CELSR1: variants seen among roughly 807,000 people sequenced by gnomAD.
CELSR1 encodes cadherin EGF LAG seven-pass G-type receptor 1.
A neutral mutation model predicts 249.1 loss-of-function variants in CELSR1; 110 were observed. That is an observed-to-expected ratio of 0.44 (90% CI 0.38 to 0.52). The LOEUF is 0.52. CELSR1 is among the 20% of genes least tolerant of loss of function. CELSR1 has a pLI of 0.00. For synonymous variants in CELSR1, 2,113 were observed against 1,900.0 expected (o/e 1.11, Z -2.92); for missense variants, 4,109 against 4,296.4 (o/e 0.96, Z 1.22).
rs567107355 is a variant in CELSR1, at chr22:46,537,565, G to C, written c.-395C>G. Among the ~76,000 whole-genome samples the C allele has an allele frequency of 6.8e-6, 1 of 147,326 alleles. No individual in the cohort carries two copies. Among genetic ancestry groups the C allele is most frequent in the East Asian group, 2.0e-4 (1 of 5,080 alleles). ...GGGGCTGAGTTCCCGGAGCGGGCTG[G>C]GCAGCTCCGCGCCGCGCAGACCCCG... On this transcript the variant is annotated 5_prime_UTR_variant, in exon 1 of 35. Transcript: ENST00000674500. This position sits in a 1 kb window ranked among gnomAD's most constrained non-coding sequence, Gnocchi z 5.8.
rs901603036 is a variant in CELSR1, at chr22:46,468,973, G to A, written c.3545-4628C>T. 2.0e-4 allele frequency among the ~76,000 whole-genome samples: 30 copies of A among 152,112 alleles called. No individual in the cohort carries two copies. Among genetic ancestry groups the A allele is most frequent in the South Asian group, 6.2e-4 (3 of 4,816 alleles). ...TGCCTGTAGTCTCAGCTACTCGGAAGGCTGAGGCTTGAGAATCGCTTGAAC... is the reference window on the plus strand; with the variant it reads ...TGCCTGTAGTCTCAGCTACTCGGAAAGCTGAGGCTTGAGAATCGCTTGAAC... On this transcript the variant is annotated intron_variant, in intron 1 of 34. Coordinates refer to ENST00000674500, the MANE Select transcript of CELSR1 (RefSeq NM_001378328.1). The surrounding 1 kb of genome is among the most constrained non-coding windows in gnomAD (Gnocchi z 4.5).
chr22:46,427,438 G>A lies in CELSR1; in HGVS notation c.4611+5955C>T, dbSNP rs894270380. Among the ~76,000 whole-genome samples the A allele has an allele frequency of 1.3e-5, 2 of 152,248 alleles. No individual in the cohort carries two copies. Among genetic ancestry groups the A allele is most frequent in the African/African-American group, 4.8e-5 (2 of 41,462 alleles). On this transcript the variant is annotated intron_variant, in intron 5 of 34. Transcript: ENST00000674500. The surrounding 1 kb of genome is among the most constrained non-coding windows in gnomAD (Gnocchi z 4.2). ...TGTAAACCCAGCTACTCAGGAGGCT[G>A]AGGCAGGAGAATTGCTTGAACCTGG...
chr22:46,382,148 G>T, intron 20 of CELSR1, 98 bp from the exon 21 acceptor site: 1 of 1,150,468 alleles, frequency 8.7e-7, no homozygotes, highest in East Asian at 2.6e-5. Flanking sequence ...ACCAACAGAT[G>T]TCCCACAGAA....
chr22:46,390,068 G>A lies in CELSR1; in HGVS notation c.6345+324C>T, dbSNP rs747868969. ...CAGAGAAAGATAGCGAGTGGGAGAC[G>A]TGGGAACAAAAGCCATGAAATAGGG... On this transcript the variant is annotated intron_variant, in intron 17 of 34. Coordinates refer to ENST00000674500, the MANE Select transcript of CELSR1 (RefSeq NM_001378328.1). The surrounding 1 kb of genome is among the most constrained non-coding windows in gnomAD (Gnocchi z 6.3). Among the ~76,000 whole-genome samples, 1 of 152,222 alleles carries A rather than the reference G, an allele frequency of 6.6e-6. No individual in the cohort carries two copies.
chr22:46,391,341 AC>A lies in CELSR1; in HGVS notation c.6149-55del, dbSNP rs2079089047. On this transcript the variant is annotated intron_variant, in intron 15 of 34. Transcript: ENST00000674500. The surrounding 1 kb of genome is among the most constrained non-coding windows in gnomAD (Gnocchi z 4.3). Reference sequence around the variant, plus strand: ...AGCGGGGCACGCCACACCCACGACCACAAACAGGCACCACTGTCTGCATGCG... The same window carrying A: ...AGCGGGGCACGCCACACCCACGACCAAAACAGGCACCACTGTCTGCATGCG... The A allele has an allele frequency of 7.4e-6, 11 of 1,493,486 alleles. No individual in the cohort carries two copies. The highest frequency in any genetic ancestry group is 1.0e-5 in the Non-Finnish European group (11 of 1,077,998). The allele number at this position is 1,493,486 out of a possible 1,614,324, so 92.5% of individuals were successfully genotyped here. A position where few individuals can be genotyped will look rare whatever the true frequency, so the allele number is the denominator to read the frequency against.
intron 2 of CELSR1, among the ~76,000 whole-genome samples, chr22:46,452,274 TAC>T (rs1222994446): frequency 6.6e-6 from 1 of 152,150 alleles, no homozygotes; most frequent in East Asian, 1.9e-4. Context: ...TCCTGGAGCC[TAC>T]ACAGACCTGG....
intron 1 of CELSR1, among the ~76,000 whole-genome samples, chr22:46,497,301 AT>A (rs1220492094): frequency 6.6e-6 from 1 of 152,246 alleles, no homozygotes; most frequent in East Asian, 1.9e-4. Flanking sequence ...TCATCTGTGA[AT>A]AACAGCAATG....
intron 3 of CELSR1, 76 bp downstream of exon 3, chr22:46,439,113 G>C: frequency 7.3e-7 from 1 of 1,366,282 alleles, no homozygotes. Flanking sequence ...TCACGATCTA[G>C]AGGGATGGGG....
At position 46,429,912 on chromosome 22, in the gene CELSR1, G is replaced by T. The variant is rs1362716866; in HGVS notation, c.4611+3481C>A. 6.6e-6 allele frequency among the ~76,000 whole-genome samples: 1 copy of T among 152,230 alleles called. No homozygotes were observed. The highest frequency in any genetic ancestry group is 1.5e-5 in the Non-Finnish European group (1 of 68,032). ...GGGTCCCACACCGCCTCTCATGGAT[G>T]CCCCATGCCCTGCCCAGCCCTTTGT... On this transcript the variant is annotated intron_variant, in intron 5 of 34. Transcript: ENST00000674500. The surrounding 1 kb of genome is among the most constrained non-coding windows in gnomAD (Gnocchi z 4.1).
At chr22:46,458,488 G>A (rs867296271) in intron 2 of CELSR1, among the ~76,000 whole-genome samples, 46 of 152,234 alleles carry the variant, frequency 3.0e-4, no homozygotes, top group African/African-American at 8.7e-4. Context: ...TGGGGAGGCA[G>A]CGTCATTAGG....
intron 27 of CELSR1, 33 bp downstream of exon 27, chr22:46,369,146 C>T: frequency 6.2e-7 from 1 of 1,605,106 alleles, no homozygotes; most frequent in Non-Finnish European, 8.5e-7. Flanking sequence ...GCCCAGCCGA[C>T]ATGGCTGGCC....
In CELSR1 at chr22:46,393,662, C is replaced by T. The variant is rs908138360; in HGVS notation, c.5964+480G>A. ...CTGAGGCAGAAGAATTGCTGGAACC[C>T]GGGAGGCGGAGGCTGCAGTGAGCCG... On this transcript the variant is annotated intron_variant, in intron 14 of 34. Transcript: ENST00000674500. The surrounding 1 kb of genome is among the most constrained non-coding windows in gnomAD (Gnocchi z 4.1). Among the ~76,000 whole-genome samples, 35 of 150,808 alleles carry T rather than the reference C, an allele frequency of 2.3e-4. No homozygotes were observed. The highest frequency in any genetic ancestry group is 4.3e-4 in the Non-Finnish European group (29 of 67,830).
chr22:46,514,927 A>C (rs1424300355), intron 1 of CELSR1, among the ~76,000 whole-genome samples: 1 of 152,102 alleles, frequency 6.6e-6, no homozygotes, highest in Non-Finnish European at 1.5e-5. Context: ...TGCTCTTTGC[A>C]GCTGGCATCC....
chr22:46,391,556 C>T lies in CELSR1; in HGVS notation c.6148+77G>A. 1 of 1,439,930 alleles carries T rather than the reference C, an allele frequency of 6.9e-7. No homozygotes were observed. The highest frequency in any genetic ancestry group is 9.2e-7 in the Non-Finnish European group (1 of 1,091,084). 89.2% of individuals were successfully genotyped at this position (1,439,930 alleles called of 1,614,324 possible). A position where few individuals can be genotyped will look rare whatever the true frequency, so the allele number is the denominator to read the frequency against. ...CAGGGTCCCCCAAACACCCAGCGTG[C>T]ATGCACACACGTGCACGCCAGTGCA... On this transcript the variant is annotated intron_variant, in intron 15 of 34. Transcript: ENST00000674500. The surrounding 1 kb of genome is among the most constrained non-coding windows in gnomAD (Gnocchi z 4.3).
rs560589481 is a variant in CELSR1, at chr22:46,412,816, C to A, written c.4612-1057G>T. 1.3e-5 allele frequency among the ~76,000 whole-genome samples: 2 copies of A among 152,314 alleles called. No individual in the cohort carries two copies. The highest frequency in any genetic ancestry group is 2.4e-5 in the African/African-American group (1 of 41,550). On this transcript the variant is annotated intron_variant, in intron 5 of 34. Transcript: ENST00000674500. The surrounding 1 kb of genome is among the most constrained non-coding windows in gnomAD (Gnocchi z 4.5). ...AAACACAGTTGGTGCCAGCTCCAAC[C>A]GGGACAGGCAACAGAATGTCTTTCA...
At chr22:46,498,717 G>A (rs1226290056) in intron 1 of CELSR1, among the ~76,000 whole-genome samples, 2 of 152,102 alleles carry the variant, frequency 1.3e-5, no homozygotes, top group African/African-American at 4.8e-5. Flanking sequence ...GCTGTGGAAT[G>A]AGGTTTATGA....
chr22:46,380,623 AC>A lies in CELSR1; in HGVS notation c.7256+164del, dbSNP rs1474234087. Among the ~76,000 whole-genome samples, 1 of 152,156 alleles carries A rather than the reference AC, an allele frequency of 6.6e-6. No individual in the cohort carries two copies. The highest frequency in any genetic ancestry group is 2.4e-5 in the African/African-American group (1 of 41,434). ...TCTAGGGGAGGACTCTGATATTCCC[AC>A]AGAAGCAGAGCAGGAGGCTCACTGC... is the stretch of plus-strand genomic sequence containing the variant. On this transcript the variant is annotated intron_variant, in intron 22 of 34. Coordinates refer to ENST00000674500, the MANE Select transcript of CELSR1 (RefSeq NM_001378328.1). The surrounding 1 kb of genome is among the most constrained non-coding windows in gnomAD (Gnocchi z 5.1).
intron 5 of CELSR1, among the ~76,000 whole-genome samples, chr22:46,419,531 C>T (rs2079440901): frequency 6.6e-6 from 1 of 152,154 alleles, no homozygotes. Flanking sequence ...CACACGGGCA[C>T]CGGGACAGAG....
At position 46,412,947 on chromosome 22, in the gene CELSR1, C is replaced by A. The variant is rs548496085; in HGVS notation, c.4612-1188G>T. Reference sequence around the variant, plus strand: ...CATGCCCCACAATTGGCACACAATGCGCAGCAGAGCCTCCCCCTCCACCCC... The same window carrying A: ...CATGCCCCACAATTGGCACACAATGAGCAGCAGAGCCTCCCCCTCCACCCC... On this transcript the variant is annotated intron_variant, in intron 5 of 34. Transcript: ENST00000674500. This position sits in a 1 kb window ranked among gnomAD's most constrained non-coding sequence, Gnocchi z 4.5. Among the ~76,000 whole-genome samples the A allele has an allele frequency of 2.5e-4, 38 of 152,302 alleles. No individual in the cohort carries two copies. The highest frequency in any genetic ancestry group is 3.4e-3 in the Middle Eastern group (1 of 294).
Sources: gnomAD v4.1 joint callset for allele counts (sites outside exome capture counted in the v4.1 genomes callset) on GRCh38, gnomAD v4.1.1 for gene constraint, Gnocchi (gnomAD v3.1) non-coding constraint, MANE v1.5 for transcripts, NCBI Gene and HGNC (gene_info 2026-07-23, HGNC 2026-07-21) for gene names.